The following VTA1 variants were observed in gnomAD, a reference collection of about 807,000 sequenced individuals.
The protein encoded by VTA1 is vacuolar protein sorting-associated protein VTA1 homolog.
In VTA1, 24 loss-of-function variants were observed where a neutral mutation model predicts 36.9. That is an observed-to-expected ratio of 0.65 (90% CI 0.47 to 0.91). The LOEUF is 0.91. Among genes scored for constraint, VTA1 ranks in the 40% least tolerant of loss-of-function variants. The probability of loss-of-function intolerance (pLI) is 0.00; values close to 1 mark genes in which losing one functional copy is unlikely to be tolerated. For missense variants in VTA1, 393 were observed against 377.2 expected (o/e 1.04, Z -0.35); for synonymous variants, 142 against 130.2 (o/e 1.09, Z -0.62).
intron 1 of VTA1, among the ~76,000 whole-genome samples, chr6:142,163,252 G>A (rs1332365065): frequency 6.6e-6 from 1 of 152,058 alleles, no homozygotes; most frequent in Non-Finnish European, 1.5e-5. Flanking sequence ...TGTAGCCCAA[G>A]ATAGGTACTA....
intron 4 of VTA1, among the ~76,000 whole-genome samples, chr6:142,174,401 T>C (rs1408372162): frequency 6.7e-6 from 1 of 149,736 alleles, no homozygotes; most frequent in Non-Finnish European, 1.5e-5. Context: ...TTCTCCCTTT[T>C]AGAATGGGGA....
At position 142,198,535 on chromosome 6, in the gene VTA1, C is replaced by T. The variant is rs867362815; in HGVS notation, c.617C>T (p.Ser206Leu). 2 of 1,614,122 alleles carry T rather than the reference C, an allele frequency of 1.2e-6. No individual in the cohort carries two copies. The highest frequency in any genetic ancestry group is 3.3e-5 in the Admixed American group (2 of 60,030). ...SSTYDPSNMP[S>L]GNYTGIQIPP... is the part of the protein sequence containing the mutation. ...ACTTATGACCCAAGCAACATGCCAT[C>T]AGGCAACTATACTGGAATACAGATT... The change falls in exon 6 of 8, where the codon TCA becomes TTA. Residue 206 changes from serine (S) to leucine (L), a missense_variant. Transcript: ENST00000367630.
At chr6:142,175,081 T>C (rs1400693499) in intron 4 of VTA1, among the ~76,000 whole-genome samples, 2 of 152,222 alleles carry the variant, frequency 1.3e-5, no homozygotes, top group African/African-American at 2.4e-5. Flanking sequence ...GTGATATCTG[T>C]ACATGATGAT....
intron 1 of VTA1, among the ~76,000 whole-genome samples, chr6:142,161,515 CACATT>C (rs1774808559): frequency 6.6e-6 from 1 of 152,092 alleles, no homozygotes; most frequent in Non-Finnish European, 1.5e-5. Context: ...CTAAATGTCT[CACATT>C]AAATTAAATT....
chr6:142,211,603 C>T (rs770850303), intron 7 of VTA1, among the ~76,000 whole-genome samples: 1 of 151,448 alleles, frequency 6.6e-6, no homozygotes, highest in East Asian at 2.0e-4. Context: ...CCCAGCTACT[C>T]GGGAGGCTGA....
intron 7 of VTA1, among the ~76,000 whole-genome samples, chr6:142,206,769 T>A (rs1023354814): frequency 1.3e-5 from 2 of 150,898 alleles, no homozygotes; most frequent in Non-Finnish European, 3.0e-5. Flanking sequence ...TGAGACAGAG[T>A]CCAAAAATAG....
At chr6:142,169,732 A>G (rs908552252) in intron 3 of VTA1, 55 bp downstream of exon 3, 5 of 1,414,858 alleles carry the variant, frequency 3.5e-6, no homozygotes, top group Admixed American at 3.2e-5. Flanking sequence ...TGTATAACCA[A>G]AATTAACTAG....
chr6:142,169,766 C>T, intron 3 of VTA1, 89 bp downstream of exon 3: 4 of 1,203,648 alleles, frequency 3.3e-6, no homozygotes, highest in Non-Finnish European at 4.3e-6. Flanking sequence ...ACTTTCTAAC[C>T]TGCTGATTGA....
intron 7 of VTA1, among the ~76,000 whole-genome samples, chr6:142,204,611 C>G (rs1274688561): frequency 6.6e-6 from 1 of 151,894 alleles, no homozygotes; most frequent in Admixed American, 6.6e-5. Flanking sequence ...CTTTCTCATT[C>G]AGACTTTTGT....
At chr6:142,155,766 G>T (rs1778650941) in intron 1 of VTA1, among the ~76,000 whole-genome samples, 1 of 152,036 alleles carries the variant, frequency 6.6e-6, no homozygotes, top group South Asian at 2.1e-4. Context: ...TATCCTTTGG[G>T]TACTAGCTTG....
intron 7 of VTA1, among the ~76,000 whole-genome samples, chr6:142,217,457 A>G (rs1406252189): frequency 6.6e-6 from 1 of 151,950 alleles, no homozygotes; most frequent in Non-Finnish European, 1.5e-5. Context: ...AATAATTTGG[A>G]TCAGAATATT....
At position 142,221,318 on chromosome 6, in the gene VTA1, T is replaced by C. The variant is rs1159247431; in HGVS notation, c.*2675T>C. 2.0e-5 allele frequency: 3 copies of C among 152,096 alleles called. No individual in the cohort carries two copies. The highest frequency in any genetic ancestry group is 7.2e-5 in the African/African-American group (3 of 41,394). 9.4% of individuals were successfully genotyped at this position (152,096 alleles called of 1,614,324 possible). On this transcript the variant is annotated 3_prime_UTR_variant, in exon 8 of 8. Transcript: ENST00000367630. ...GTGTACAGACATATGCATATTTCAA[T>C]AGAATAGCCAGGATAGACCTCCCTG...
chr6:142,169,730 C>CA, intron 3 of VTA1, 53 bp downstream of exon 3: 2 of 1,418,422 alleles, frequency 1.4e-6, no homozygotes, highest in Non-Finnish European at 1.8e-6. Flanking sequence ...ACTGTATAAC[C>CA]AAAATTAACT....
chr6:142,217,354 A>G (rs1309056504), intron 7 of VTA1, among the ~76,000 whole-genome samples: 3 of 152,144 alleles, frequency 2.0e-5, no homozygotes, highest in African/African-American at 7.2e-5. Context: ...ATATTCATGC[A>G]GTGAAGTTAC....
chr6:142,170,288 A>T, intron 3 of VTA1, 58 bp from the exon 4 acceptor site: 1 of 1,335,526 alleles, frequency 7.5e-7, no homozygotes, highest in Non-Finnish European at 1.1e-6. Context: ...GCTAAATGAC[A>T]AAACTACATT....
intron 1 of VTA1, among the ~76,000 whole-genome samples, chr6:142,157,719 GTATA>G (rs1201364244): frequency 6.6e-6 from 1 of 151,906 alleles, no homozygotes; most frequent in Non-Finnish European, 1.5e-5. Context: ...AACAGTCAAG[GTATA>G]TATATAGTAG....
chr6:142,159,350 C>T (rs559845562), intron 1 of VTA1, among the ~76,000 whole-genome samples: 184 of 151,942 alleles, frequency 1.2e-3, no homozygotes, highest in Non-Finnish European at 1.5e-3. Context: ...GGCAACAGAA[C>T]GAGACCCCAT....
chr6:142,155,407 A>G (rs1017935600), intron 1 of VTA1, among the ~76,000 whole-genome samples: 6 of 152,192 alleles, frequency 3.9e-5, no homozygotes, highest in Non-Finnish European at 8.8e-5. Flanking sequence ...ATAACCTAAA[A>G]TATATATCAT....
rs1157074772 is a variant in VTA1, at chr6:142,220,345, C to T, written c.*1702C>T. ...ATGCCTGGACACTGAAAAGTAAACGCATCACCTCCTATTTTATACCCTACC... is the reference window on the plus strand; with the variant it reads ...ATGCCTGGACACTGAAAAGTAAACGTATCACCTCCTATTTTATACCCTACC... On this transcript the variant is annotated 3_prime_UTR_variant, in exon 8 of 8. Coordinates refer to ENST00000367630, the MANE Select transcript of VTA1 (RefSeq NM_016485.5). 1.3e-5 allele frequency: 2 copies of T among 152,134 alleles called. No homozygotes were observed. The highest frequency in any genetic ancestry group is 2.9e-5 in the Non-Finnish European group (2 of 68,028). The allele number at this position is 152,134 out of a possible 1,614,324, so 9.4% of individuals were successfully genotyped here.
Sources: allele counts gnomAD v4.1 joint callset (sites outside exome capture counted in the v4.1 genomes callset), GRCh38; gene constraint gnomAD v4.1.1; transcripts MANE v1.5; gene names NCBI Gene and HGNC (gene_info 2026-07-23, HGNC 2026-07-21).